RAB38: variants seen among roughly 807,000 people sequenced by gnomAD.
The protein encoded by RAB38 is ras-related protein Rab-38.
In RAB38, 15 loss-of-function variants were observed where a neutral mutation model predicts 18.4. The observed-to-expected ratio is 0.82, with a 90% CI of 0.55 to 1.26. The LOEUF (loss-of-function observed/expected upper bound fraction) is 1.26. Among genes scored for constraint, RAB38 ranks in the 50% most tolerant of loss-of-function variants. The pLI, the probability that RAB38 is intolerant of heterozygous loss-of-function variation, is 0.00. For missense variants in RAB38, 294 were observed against 267.4 expected, an observed-to-expected ratio of 1.10 and a Z score of -0.69; for synonymous variants, 101 against 104.4, an observed-to-expected ratio of 0.97 and a Z score of 0.20.
chr11:87,876,042 A>G, the RAB38 span, among the ~76,000 whole-genome samples: 1 of 151,592 alleles, frequency 6.6e-6, no homozygotes. Flanking sequence ...CAAGTGATGA[A>G]GTTAAGAATT....
At chr11:88,018,086 CCT>C in the RAB38 span, among the ~76,000 whole-genome samples, 1 of 152,068 alleles carries the variant, frequency 6.6e-6, no homozygotes, top group Admixed American at 6.6e-5. Flanking sequence ...GTCCATTACA[CCT>C]CTTTCTTTTG....
the RAB38 span, among the ~76,000 whole-genome samples, chr11:87,933,321 G>C: frequency 6.6e-6 from 1 of 151,994 alleles, no homozygotes; most frequent in Non-Finnish European, 1.5e-5. Context: ...ATTTTCCTCT[G>C]AGCCGTTCCT....
chr11:88,025,458 C>T, the RAB38 span, among the ~76,000 whole-genome samples: 2 of 152,158 alleles, frequency 1.3e-5, no homozygotes, highest in South Asian at 4.1e-4. Flanking sequence ...AATCTCTAAC[C>T]TACTTTCCAC....
the RAB38 span, among the ~76,000 whole-genome samples, chr11:88,079,290 T>G: frequency 1.3e-5 from 2 of 151,604 alleles, no homozygotes; most frequent in South Asian, 2.1e-4. Context: ...TAAGCAATTA[T>G]TATTCAAAAA....
chr11:88,028,556 CA>C, the RAB38 span, among the ~76,000 whole-genome samples: 1 of 152,062 alleles, frequency 6.6e-6, no homozygotes, highest in African/African-American at 2.4e-5. Flanking sequence ...AGCTGAAAGC[CA>C]AGGCTCGAAA....
the RAB38 span, among the ~76,000 whole-genome samples, chr11:87,829,539 A>G: frequency 6.6e-6 from 1 of 152,252 alleles, no homozygotes; most frequent in South Asian, 2.1e-4. Context: ...ACTGCCTCAT[A>G]AAACCATCGG....
chr11:88,101,799 A>G, the RAB38 span, among the ~76,000 whole-genome samples: 1 of 151,590 alleles, frequency 6.6e-6, no homozygotes, highest in Non-Finnish European at 1.5e-5. Flanking sequence ...AATAATATAC[A>G]TAATTATGTT....
At chr11:88,028,568 A>C in the RAB38 span, among the ~76,000 whole-genome samples, 1 of 152,206 alleles carries the variant, frequency 6.6e-6, no homozygotes, top group African/African-American at 2.4e-5. Flanking sequence ...AGGCTCGAAA[A>C]CTACATGAAG....
the RAB38 span, among the ~76,000 whole-genome samples, chr11:87,952,951 T>C: frequency 6.6e-6 from 1 of 151,312 alleles, no homozygotes; most frequent in Non-Finnish European, 1.5e-5. Context: ...TTTCATGTTT[T>C]AAATGTTTTT....
intron 2 of RAB38, among the ~76,000 whole-genome samples, chr11:88,126,451 C>CA (rs946072631): frequency 4.6e-5 from 7 of 151,758 alleles, no homozygotes; most frequent in Non-Finnish European, 1.5e-5. Context: ...ATCACAAGGA[C>CA]AAAAAAACCA....
chr11:87,939,582 G>A, the RAB38 span, among the ~76,000 whole-genome samples: 2 of 152,240 alleles, frequency 1.3e-5, no homozygotes, highest in South Asian at 4.2e-4. Context: ...AGTTGGCCAG[G>A]CATGGTGACT....
At chr11:87,920,958 A>C in the RAB38 span, among the ~76,000 whole-genome samples, 4 of 152,004 alleles carry the variant, frequency 2.6e-5, no homozygotes, top group African/African-American at 4.8e-5. Flanking sequence ...ACTGGCTCGC[A>C]GTTCTGGTGG....
chr11:87,808,642 C>G, the RAB38 span, among the ~76,000 whole-genome samples: 1 of 151,920 alleles, frequency 6.6e-6, no homozygotes, highest in Non-Finnish European at 1.5e-5. Flanking sequence ...AACACGGTGT[C>G]TAAGAGAGTA....
the RAB38 span, among the ~76,000 whole-genome samples, chr11:87,897,814 A>G: frequency 6.6e-6 from 1 of 151,552 alleles, no homozygotes; most frequent in African/African-American, 2.4e-5. Flanking sequence ...AGCTTTTCTT[A>G]CTTTCTGAGA....
intron 1 of RAB38, among the ~76,000 whole-genome samples, chr11:88,171,221 G>A (rs1181817486): frequency 4.6e-5 from 7 of 152,260 alleles, no homozygotes; most frequent in South Asian, 2.1e-4. Context: ...TAAGATGCAG[G>A]TATTGTTATT....
the RAB38 span, chr11:87,816,986 A>G: frequency 2.0e-5 from 3 of 152,140 alleles, no homozygotes. Flanking sequence ...TATTAGGTTT[A>G]TTATCATTCA....
chr11:87,977,748 A>T, the RAB38 span, among the ~76,000 whole-genome samples: 2 of 72,252 alleles, frequency 2.8e-5, no homozygotes, highest in South Asian at 5.1e-4. Context: ...TATATTCTAT[A>T]ATATATATAT....
At chr11:88,053,385 C>T in the RAB38 span, among the ~76,000 whole-genome samples, 37 of 35,374 alleles carry the variant, frequency 1.0e-3, no homozygotes, top group African/African-American at 2.2e-3. Flanking sequence ...TATATATATA[C>T]ACACACATAT....
the RAB38 span, among the ~76,000 whole-genome samples, chr11:87,943,674 G>A: frequency 1.3e-5 from 2 of 152,138 alleles, no homozygotes; most frequent in African/African-American, 4.8e-5. Flanking sequence ...GCCTGTGAAA[G>A]GGTAAATGAT....
Sources: gnomAD v4.1 joint callset for allele counts (sites outside exome capture counted in the v4.1 genomes callset) on GRCh38, gnomAD v4.1.1 for gene constraint, MANE v1.5 for transcripts, NCBI Gene and HGNC (gene_info 2026-07-23, HGNC 2026-07-21) for gene names.